The following CCBE1 variants were observed in gnomAD, a reference collection of about 807,000 sequenced individuals.
CCBE1 encodes the protein collagen and calcium-binding EGF domain-containing protein 1.
CCBE1 carries 37 observed loss-of-function variants against 50.0 expected under a neutral mutation model. The observed-to-expected ratio is 0.74, with a 90% CI of 0.57 to 0.97. The LOEUF (loss-of-function observed/expected upper bound fraction) is 0.97, where lower values mean the gene tolerates loss of function less well. Among genes scored for constraint, CCBE1 ranks in the 50% least tolerant of loss-of-function variants. The probability of loss-of-function intolerance (pLI) is 0.00; values close to 1 mark genes in which losing one functional copy is unlikely to be tolerated. For missense variants in CCBE1, 538 were observed against 523.8 expected, an observed-to-expected ratio of 1.03 and a Z score of -0.26; for synonymous variants, 234 against 203.7, an observed-to-expected ratio of 1.15 and a Z score of -1.27.
intron 2 of CCBE1, among the ~76,000 whole-genome samples, chr18:59,690,598 A>T (rs992120606): frequency 2.6e-5 from 4 of 152,238 alleles, no homozygotes; most frequent in Non-Finnish European, 5.9e-5. Context: ...AGCTTCACTT[A>T]CAAAGGATGA....
chr18:59,530,925 T>C (rs1266079176), intron 2 of CCBE1, among the ~76,000 whole-genome samples: 1 of 152,188 alleles, frequency 6.6e-6, no homozygotes, highest in Non-Finnish European at 1.5e-5. Flanking sequence ...AAATTATTTA[T>C]GATGTTTTTT....
intron 2 of CCBE1, among the ~76,000 whole-genome samples, chr18:59,670,996 A>G (rs1326631525): frequency 6.6e-6 from 1 of 152,236 alleles, no homozygotes; most frequent in Non-Finnish European, 1.5e-5. Flanking sequence ...AAGGCATTTT[A>G]GAAGTTCATC....
chr18:59,661,463 C>T (rs2054284416), intron 2 of CCBE1, among the ~76,000 whole-genome samples: 1 of 152,112 alleles, frequency 6.6e-6, no homozygotes, highest in South Asian at 2.1e-4. Flanking sequence ...ACTTTAACTT[C>T]CATAGTTAAT....
rs117139721 is a variant in CCBE1, at chr18:59,687,211, A to C, written c.212+9418T>G. Among the ~76,000 whole-genome samples, 139 of 152,362 alleles carry C rather than the reference A, an allele frequency of 9.1e-4. No homozygotes were observed. The East Asian group carries it at 0.013, about 15-fold the overall frequency. On this transcript the variant is annotated intron_variant, in intron 2 of 10. Coordinates refer to ENST00000439986, the MANE Select transcript of CCBE1 (RefSeq NM_133459.4). ...CAGTGTGGTCTGTGCTGGCTTACAGATGCCCTCCAATCTTCGAGGAAATAG... is the reference window on the plus strand; with the variant it reads ...CAGTGTGGTCTGTGCTGGCTTACAGCTGCCCTCCAATCTTCGAGGAAATAG...
chr18:59,678,304 GC>G (rs1222224514), intron 2 of CCBE1, among the ~76,000 whole-genome samples: 7 of 152,104 alleles, frequency 4.6e-5, no homozygotes, highest in Non-Finnish European at 8.8e-5. Context: ...GGTGTTGAGG[GC>G]ACAAAGTCTT....
intron 2 of CCBE1, among the ~76,000 whole-genome samples, chr18:59,628,672 G>A (rs1205410728): frequency 6.6e-6 from 1 of 152,150 alleles, no homozygotes; most frequent in Non-Finnish European, 1.5e-5. Flanking sequence ...CAATCAAGTA[G>A]CCTTGGGAAA....
At chr18:59,560,543 C>T (rs568885674) in intron 2 of CCBE1, among the ~76,000 whole-genome samples, 1 of 152,232 alleles carries the variant, frequency 6.6e-6, no homozygotes, top group East Asian at 1.9e-4. Flanking sequence ...GTGCAGCAAA[C>T]CACCATGGCA....
chr18:59,656,042 G>A (rs1348381991), intron 2 of CCBE1, among the ~76,000 whole-genome samples: 1 of 152,206 alleles, frequency 6.6e-6, no homozygotes, highest in Non-Finnish European at 1.5e-5. Context: ...ACCAAAACAT[G>A]AAGGGGTGGT....
intron 2 of CCBE1, among the ~76,000 whole-genome samples, chr18:59,693,565 C>G (rs1309563084): frequency 6.6e-6 from 1 of 152,156 alleles, no homozygotes; most frequent in East Asian, 1.9e-4. Flanking sequence ...GTCTCTCTTC[C>G]CCATCACTAA....
intron 2 of CCBE1, among the ~76,000 whole-genome samples, chr18:59,498,027 G>A (rs1354750642): frequency 6.6e-6 from 1 of 152,176 alleles, no homozygotes; most frequent in Non-Finnish European, 1.5e-5. Context: ...AGTGAGAAGA[G>A]GACATCAGCA....
Position 59,469,503 on chromosome 18 carries a change from G to T in CCBE1, c.370C>A (p.His124Asn), listed in dbSNP as rs768981634. 25 of 1,614,160 alleles carry T rather than the reference G, an allele frequency of 1.5e-5. No individual in the cohort carries two copies. The highest frequency in any genetic ancestry group is 2.0e-5 in the Non-Finnish European group (24 of 1,180,032). ...CAGTATGGCTTCTCCCGCTTCCGGT[G>T]TCTCTCCCGGTCATATCGGTATCCC... ...YPGYRYDRER[H>N]RKREKPYCLD... Residue 124 changes from histidine to asparagine, a missense_variant, in exon 4 of 11, where the codon CAC becomes AAC. His to Asn is a moderately conservative substitution (Grantham distance 68). Coordinates refer to ENST00000439986, the MANE Select transcript of CCBE1 (RefSeq NM_133459.4).
intron 2 of CCBE1, among the ~76,000 whole-genome samples, chr18:59,534,052 C>A: frequency 6.6e-6 from 1 of 152,152 alleles, no homozygotes; most frequent in East Asian, 1.9e-4. Context: ...CATAACCACC[C>A]TGTTCCTCCT....
intron 2 of CCBE1, among the ~76,000 whole-genome samples, chr18:59,492,887 C>A (rs1429522650): frequency 1.6e-4 from 24 of 152,136 alleles, no homozygotes; most frequent in Admixed American, 1.6e-3. Context: ...GAATGCTGAC[C>A]CTTGAAGTGT....
intron 2 of CCBE1, among the ~76,000 whole-genome samples, chr18:59,655,834 C>A (rs1002428673): frequency 2.6e-5 from 4 of 152,204 alleles, no homozygotes; most frequent in Admixed American, 1.3e-4. Context: ...GACTTTCACT[C>A]CCCCATCAGA....
At chr18:59,669,473 G>A (rs2054403320) in intron 2 of CCBE1, among the ~76,000 whole-genome samples, 1 of 152,188 alleles carries the variant, frequency 6.6e-6, no homozygotes, top group Admixed American at 6.5e-5. Context: ...GGAAGGTGAG[G>A]TACAGGGAAT....
intron 7 of CCBE1, among the ~76,000 whole-genome samples, chr18:59,441,418 C>T (rs8092414): frequency 7.3e-5 from 11 of 151,012 alleles, no homozygotes; most frequent in Non-Finnish European, 1.3e-4. Flanking sequence ...GCTGAAGCGG[C>T]GGTTGCAGTG....
intron 2 of CCBE1, among the ~76,000 whole-genome samples, chr18:59,676,831 A>C (rs1045931138): frequency 7.2e-5 from 11 of 152,222 alleles, no homozygotes. Flanking sequence ...TAAATTCAGA[A>C]GGATTAGGAA....
At chr18:59,589,194 C>T (rs1735134100) in intron 2 of CCBE1, among the ~76,000 whole-genome samples, 1 of 152,174 alleles carries the variant, frequency 6.6e-6, no homozygotes, top group Admixed American at 6.5e-5. Flanking sequence ...AGTATATCTA[C>T]TTCCTAGATT....
intron 2 of CCBE1, among the ~76,000 whole-genome samples, chr18:59,538,761 A>G (rs1246354212): frequency 6.6e-6 from 1 of 152,214 alleles, no homozygotes; most frequent in Non-Finnish European, 1.5e-5. Context: ...ATCTACAATG[A>G]TCTCAATGAT....
Sources: allele counts gnomAD v4.1 joint callset (sites outside exome capture counted in the v4.1 genomes callset), GRCh38; gene constraint gnomAD v4.1.1; transcripts MANE v1.5; gene names NCBI Gene and HGNC (gene_info 2026-07-23, HGNC 2026-07-21).